The following RAB3C variants were observed in gnomAD, a reference collection of about 807,000 sequenced individuals.
RAB3C encodes ras-related protein Rab-3C.
Under a neutral mutation model 26.4 loss-of-function variants are expected in RAB3C, and 17 were observed. That is an observed-to-expected ratio of 0.64 (90% confidence interval 0.44 to 0.97). The LOEUF (loss-of-function observed/expected upper bound fraction) is 0.97. RAB3C is among the 50% of genes least tolerant of loss of function. The probability of loss-of-function intolerance (pLI) is 0.00; values close to 1 mark genes in which losing one functional copy is unlikely to be tolerated. For missense variants in RAB3C, 242 were observed against 281.9 expected, an observed-to-expected ratio of 0.86 and a Z score of 1.01; for synonymous variants, 91 against 95.9, an observed-to-expected ratio of 0.95 and a Z score of 0.30.
At chr5:58,650,374 G>C (rs1440110660) in intron 2 of RAB3C, among the ~76,000 whole-genome samples, 1 of 152,142 alleles carries the variant, frequency 6.6e-6, no homozygotes, top group Admixed American at 6.5e-5. Context: ...TAAAAAGAGG[G>C]AAGGGAGAGA....
At chr5:58,685,572 T>C (rs1026065335) in intron 2 of RAB3C, among the ~76,000 whole-genome samples, 1 of 152,186 alleles carries the variant, frequency 6.6e-6, no homozygotes, top group Non-Finnish European at 1.5e-5. Flanking sequence ...GGAAATAGGA[T>C]GTATACATCC....
intron 4 of RAB3C, among the ~76,000 whole-genome samples, chr5:58,830,634 A>T (rs1342936423): frequency 1.3e-5 from 2 of 152,174 alleles, no homozygotes; most frequent in Non-Finnish European, 2.9e-5. Context: ...TTTCAGTTTA[A>T]ATCACCCTTG....
At chr5:58,626,997 G>A (rs1366984001) in intron 2 of RAB3C, among the ~76,000 whole-genome samples, 4 of 152,118 alleles carry the variant, frequency 2.6e-5, no homozygotes, top group African/African-American at 9.7e-5. Context: ...ATTTTAATAT[G>A]CCCAAGTGCA....
chr5:58,627,440 C>A (rs1747077843), intron 2 of RAB3C, among the ~76,000 whole-genome samples: 2 of 79,168 alleles, frequency 2.5e-5, no homozygotes, highest in African/African-American at 5.2e-5. Flanking sequence ...AGTCCGCAGT[C>A]CGGCCTGGGC....
At chr5:58,744,538 G>C (rs779427263) in intron 3 of RAB3C, among the ~76,000 whole-genome samples, 2 of 152,208 alleles carry the variant, frequency 1.3e-5, no homozygotes, top group Non-Finnish European at 2.9e-5. Context: ...CTTTTGAAAA[G>C]AAACCGCAGT....
intron 1 of RAB3C, among the ~76,000 whole-genome samples, chr5:58,614,155 AT>A (rs1259156619): frequency 2.0e-5 from 3 of 152,088 alleles, no homozygotes; most frequent in Non-Finnish European, 4.4e-5. Context: ...CTTTTATGAA[AT>A]TTGATGTTCC....
chr5:58,709,262 A>G (rs1749010230), intron 2 of RAB3C, among the ~76,000 whole-genome samples: 1 of 152,326 alleles, frequency 6.6e-6, no homozygotes, highest in Non-Finnish European at 1.5e-5. Flanking sequence ...TTGGCATTTC[A>G]GTCAAATTTT....
At chr5:58,671,246 A>G (rs902054630) in intron 2 of RAB3C, among the ~76,000 whole-genome samples, 2 of 152,124 alleles carry the variant, frequency 1.3e-5, no homozygotes, top group Non-Finnish European at 1.5e-5. Context: ...AATTCTCACA[A>G]CAACCTTATG....
intron 4 of RAB3C, among the ~76,000 whole-genome samples, chr5:58,844,516 T>G (rs1246057510): frequency 6.6e-6 from 1 of 152,188 alleles, no homozygotes; most frequent in Non-Finnish European, 1.5e-5. Flanking sequence ...TGGGGCCCAG[T>G]AGAGGACGAG....
At chr5:58,729,190 C>T (rs116167926) in intron 3 of RAB3C, among the ~76,000 whole-genome samples, 250 of 151,986 alleles carry the variant, frequency 1.6e-3, no homozygotes, top group Non-Finnish European at 2.9e-3. Flanking sequence ...TCATTTTTCC[C>T]CATTACAGAA....
intron 2 of RAB3C, among the ~76,000 whole-genome samples, chr5:58,721,451 G>A (rs1740759936): frequency 6.6e-6 from 1 of 151,712 alleles, no homozygotes; most frequent in African/African-American, 2.4e-5. Context: ...ACAAAGCCAG[G>A]ATTTTGAGCC....
At chr5:58,669,264 T>C (rs1748064760) in intron 2 of RAB3C, among the ~76,000 whole-genome samples, 2 of 152,132 alleles carry the variant, frequency 1.3e-5, no homozygotes, top group South Asian at 4.1e-4. Flanking sequence ...GTGTTTTTGC[T>C]AAAACCAAAT....
intron 2 of RAB3C, among the ~76,000 whole-genome samples, chr5:58,646,637 G>A (rs1292312594): frequency 3.3e-5 from 5 of 152,034 alleles, no homozygotes; most frequent in Admixed American, 2.0e-4. Context: ...AGTGCTGTAC[G>A]TGGAGGGCAG....
intron 3 of RAB3C, among the ~76,000 whole-genome samples, chr5:58,793,418 G>A (rs1056271783): frequency 2.6e-5 from 4 of 151,896 alleles, no homozygotes; most frequent in Non-Finnish European, 4.4e-5. Flanking sequence ...TTAGCTGGGC[G>A]TGGTGGCACA....
chr5:58,790,836 C>G (rs77100035), intron 3 of RAB3C, among the ~76,000 whole-genome samples: 6,869 of 152,034 alleles, frequency 0.045, 212 homozygotes, highest in African/African-American at 0.079. Flanking sequence ...GCCATTGGCC[C>G]ACATAACTGA....
chr5:58,837,207 G>A (rs1288995318), intron 4 of RAB3C, among the ~76,000 whole-genome samples: 2 of 152,054 alleles, frequency 1.3e-5, no homozygotes, highest in Non-Finnish European at 2.9e-5. Context: ...TTGAGGCAGA[G>A]TCTTACTCTG....
In RAB3C at chr5:58,845,969, C is replaced by T. The variant is rs902100914; in HGVS notation, c.497-5195C>T. On this transcript the variant is annotated intron_variant, in intron 4 of 4. Transcript: ENST00000282878. ...AAAATGGTCTCATATGAGATATGGT[C>T]CTTTATGTCAGGCTTTTTTCACTTG... 2.0e-5 allele frequency among the ~76,000 whole-genome samples: 3 copies of T among 151,916 alleles called. No individual in the cohort carries two copies. In the South Asian group the frequency reaches 6.2e-4, roughly 32 times the overall value.
At chr5:58,650,845 C>T (rs1561278742) in intron 2 of RAB3C, among the ~76,000 whole-genome samples, 1 of 151,954 alleles carries the variant, frequency 6.6e-6, no homozygotes, top group Non-Finnish European at 1.5e-5. Context: ...TTGTACATTC[C>T]GGTAAGAAAA....
chr5:58,823,708 G>T, intron 3 of RAB3C: 2 of 197,490 alleles, frequency 1.0e-5, no homozygotes, highest in East Asian at 1.1e-4. Context: ...CAGGCTCTGA[G>T]AGCTAAAACA....
Sources: allele counts gnomAD v4.1 joint callset (sites outside exome capture counted in the v4.1 genomes callset), GRCh38; gene constraint gnomAD v4.1.1; transcripts MANE v1.5; gene names NCBI Gene and HGNC (gene_info 2026-07-23, HGNC 2026-07-21).